MAF: variants seen among roughly 807,000 people sequenced by gnomAD.
MAF encodes the protein transcription factor Maf.
Under a neutral mutation model 22.0 loss-of-function variants are expected in MAF, and 10 were observed. The observed-to-expected ratio is 0.45, with a 90% CI of 0.28 to 0.77. MAF has a LOEUF of 0.77. Among genes scored for constraint, MAF ranks in the 30% least tolerant of loss-of-function variants. The probability of loss-of-function intolerance (pLI) is 0.12; values close to 1 mark genes in which losing one functional copy is unlikely to be tolerated. For missense variants in MAF, 544 were observed against 548.4 expected, an observed-to-expected ratio of 0.99 and a Z score of 0.08; for synonymous variants, 337 against 255.8, an observed-to-expected ratio of 1.32 and a Z score of -3.03.
the MAF span, among the ~76,000 whole-genome samples, chr16:79,363,840 A>G: frequency 4.8e-4 from 73 of 152,276 alleles, 1 homozygote; most frequent in Middle Eastern, 6.8e-3. Flanking sequence ...GAAGGAACAA[A>G]TATCTGGAGG....
chr16:79,420,758 G>A, the MAF span, among the ~76,000 whole-genome samples: 4 of 152,342 alleles, frequency 2.6e-5, no homozygotes, highest in Non-Finnish European at 4.4e-5. Flanking sequence ...GGCTTGACGC[G>A]GTGGCTCATG....
At chr16:79,284,356 C>G in the MAF span, among the ~76,000 whole-genome samples, 2 of 152,188 alleles carry the variant, frequency 1.3e-5, no homozygotes, top group African/African-American at 4.8e-5. Flanking sequence ...AAGGCAAATG[C>G]CCCATTCACT....
At chr16:79,442,416 G>C in the MAF span, among the ~76,000 whole-genome samples, 1 of 152,146 alleles carries the variant, frequency 6.6e-6, no homozygotes, top group East Asian at 1.9e-4. Flanking sequence ...CTGTTGCCCA[G>C]GCTGGAATGT....
chr16:79,245,125 C>T, the MAF span, among the ~76,000 whole-genome samples: 2 of 151,950 alleles, frequency 1.3e-5, no homozygotes, highest in African/African-American at 4.8e-5. Flanking sequence ...TAGAAGAAAA[C>T]CCAGGCAATA....
the MAF span, among the ~76,000 whole-genome samples, chr16:79,388,874 T>G: frequency 6.6e-6 from 1 of 152,138 alleles, no homozygotes; most frequent in Admixed American, 6.5e-5. Context: ...CCCAACTAAG[T>G]AATCCTAAAG....
the MAF span, among the ~76,000 whole-genome samples, chr16:79,221,356 G>A: frequency 6.6e-6 from 1 of 152,092 alleles, no homozygotes; most frequent in Admixed American, 6.5e-5. Context: ...TCATGTTACC[G>A]TTTTCTGAAC....
chr16:79,206,312 T>A, the MAF span: 3 of 152,210 alleles, frequency 2.0e-5, no homozygotes, highest in African/African-American at 7.2e-5. Flanking sequence ...ATGGGCCACG[T>A]GCAAATATTT....
chr16:79,294,757 C>T, the MAF span, among the ~76,000 whole-genome samples: 1 of 152,266 alleles, frequency 6.6e-6, no homozygotes, highest in East Asian at 1.9e-4. Flanking sequence ...CCAAAGTCTG[C>T]ACTGGTTGCA....
chr16:79,298,912 C>A, the MAF span, among the ~76,000 whole-genome samples: 18 of 152,354 alleles, frequency 1.2e-4, no homozygotes, highest in East Asian at 3.5e-3. Flanking sequence ...GGCTATAAGG[C>A]AGGTTGGGAA....
the MAF span, among the ~76,000 whole-genome samples, chr16:79,445,963 C>G: frequency 6.6e-6 from 1 of 152,142 alleles, no homozygotes; most frequent in Non-Finnish European, 1.5e-5. Context: ...GGGACTTAAT[C>G]TCTCATAGCA....
the MAF span, among the ~76,000 whole-genome samples, chr16:79,239,397 G>C: frequency 1.3e-5 from 2 of 151,990 alleles, no homozygotes; most frequent in African/African-American, 4.8e-5. Flanking sequence ...GGAATGAGTT[G>C]GTTATCCAAC....
the MAF span, among the ~76,000 whole-genome samples, chr16:79,240,660 G>A: frequency 5.3e-5 from 8 of 151,896 alleles, no homozygotes; most frequent in African/African-American, 1.7e-4. Flanking sequence ...TCTAAAGAGA[G>A]CAGCAGAACT....
chr16:79,551,359 T>C, the MAF span, among the ~76,000 whole-genome samples: 1 of 152,186 alleles, frequency 6.6e-6, no homozygotes, highest in African/African-American at 2.4e-5. Context: ...ATATGGAGTC[T>C]TTCACTTTCC....
the MAF span, among the ~76,000 whole-genome samples, chr16:79,450,801 A>G: frequency 1.4e-5 from 2 of 145,858 alleles, no homozygotes; most frequent in East Asian, 4.3e-4. Context: ...AACTGAAAAC[A>G]GAAAAAAAAA....
the MAF span, among the ~76,000 whole-genome samples, chr16:79,413,070 G>C: frequency 6.6e-6 from 1 of 152,062 alleles, no homozygotes; most frequent in Non-Finnish European, 1.5e-5. Flanking sequence ...GCCCCAAGAA[G>C]CCTCTCTCTC....
chr16:79,372,265 G>T, the MAF span, among the ~76,000 whole-genome samples: 1,527 of 152,114 alleles, frequency 0.01, 29 homozygotes, highest in African/African-American at 0.035. Flanking sequence ...GGGGGAACTT[G>T]CTCAGAGCAA....
At chr16:79,533,182 T>C in the MAF span, among the ~76,000 whole-genome samples, 1 of 152,196 alleles carries the variant, frequency 6.6e-6, no homozygotes, top group Non-Finnish European at 1.5e-5. Flanking sequence ...TATTTATCTA[T>C]GCCTTAAAGG....
chr16:79,304,538 A>G, the MAF span, among the ~76,000 whole-genome samples: 1 of 152,180 alleles, frequency 6.6e-6, no homozygotes, highest in Non-Finnish European at 1.5e-5. Flanking sequence ...CACTACCAGA[A>G]CTAGCCCTTT....
the MAF span, among the ~76,000 whole-genome samples, chr16:79,373,294 C>G: frequency 7.3e-6 from 1 of 136,108 alleles, no homozygotes; most frequent in Non-Finnish European, 1.5e-5. Context: ...CAAGAGGGCT[C>G]TGTCCTGTTA....
Sources: gnomAD v4.1 joint callset for allele counts (sites outside exome capture counted in the v4.1 genomes callset) on GRCh38, gnomAD v4.1.1 for gene constraint, MANE v1.5 for transcripts, NCBI Gene and HGNC (gene_info 2026-07-23, HGNC 2026-07-21) for gene names.